PPP1R21: variants seen among roughly 807,000 people sequenced by gnomAD.
PPP1R21 encodes the protein KLRAQ motif containing 1.
A neutral mutation model predicts 112.8 loss-of-function variants in PPP1R21; 85 were observed. The ratio of observed to expected loss-of-function variants is 0.75; its 90% CI spans 0.63 to 0.90. PPP1R21 has a LOEUF of 0.90. Ranked by LOEUF, PPP1R21 falls within the 40% of genes least tolerant of loss-of-function variation. PPP1R21 has a pLI of 0.00. For synonymous variants in PPP1R21, 381 were observed against 322.3 expected, an observed-to-expected ratio of 1.18 and a Z score of -1.95; for missense variants, 1,199 against 901.5, an observed-to-expected ratio of 1.33 and a Z score of -4.23.
Position 48,471,127 on chromosome 2 carries a change from C to T in PPP1R21, c.938C>T (p.Pro313Leu). ...CATGAAAATGCGTCCTATGTCCGCCCTCTTGAGGAAGGAATGCTTCATTTA... is the reference window on the plus strand; with the variant it reads ...CATGAAAATGCGTCCTATGTCCGCCTTCTTGAGGAAGGAATGCTTCATTTA... Reference protein sequence around the residue: ...YLHENASYVRPLEEGMLHLFE... With the variant: ...YLHENASYVRLLEEGMLHLFE... Residue 313 changes from proline to leucine, a missense_variant, in exon 10 of 22, where the codon CCT becomes CTT. Transcript: ENST00000294952. 3 of 1,613,002 alleles carry T rather than the reference C, an allele frequency of 1.9e-6. No individual in the cohort carries two copies. Among genetic ancestry groups the T allele is most frequent in the Non-Finnish European group, 2.5e-6 (3 of 1,179,040 alleles).
intron 17 of PPP1R21, chr2:48,501,897 A>G (rs1670133555): frequency 1.3e-5 from 2 of 152,038 alleles, no homozygotes; most frequent in Non-Finnish European, 1.5e-5. Context: ...ACTGGCATAT[A>G]TATTTCTTTA....
In PPP1R21 at chr2:48,511,418, A is replaced by T; in HGVS notation, c.2263A>T (p.Thr755Ser). ...TGACCACCTGTGCAGCATGAATGAG[A>T]CATTATCTAAACAGAGAGAAGAGAT... The part of the protein sequence containing the change: ...MSDHLCSMNE[T>S]LSKQREEIDT... Residue 755 changes from threonine (T) to serine (S), a missense_variant, in exon 21 of 22, where the codon ACA becomes TCA. Physicochemically the swap from Thr to Ser is moderately conservative, Grantham distance 58. Transcript: ENST00000294952. The T allele has an allele frequency of 6.2e-7, 1 of 1,614,140 alleles. No individual in the cohort carries two copies.
At chr2:48,472,516 C>T (rs1668564330) in intron 11 of PPP1R21, among the ~76,000 whole-genome samples, 2 of 151,554 alleles carry the variant, frequency 1.3e-5, no homozygotes, top group Non-Finnish European at 2.9e-5. Context: ...GTCCCAGCTA[C>T]TTGGGAGGCT....
intron 17 of PPP1R21, among the ~76,000 whole-genome samples, chr2:48,499,847 A>T (rs527630334): frequency 6.6e-5 from 10 of 152,366 alleles, no homozygotes; most frequent in African/African-American, 2.4e-4. Context: ...TAATTACACT[A>T]TTCTGTTCAC....
At chr2:48,505,217 T>G (rs909230315) in intron 17 of PPP1R21, among the ~76,000 whole-genome samples, 5 of 152,246 alleles carry the variant, frequency 3.3e-5, no homozygotes, top group African/African-American at 1.2e-4. Context: ...TCTTTACCCC[T>G]TCTTGGCTAC....
intron 17 of PPP1R21, among the ~76,000 whole-genome samples, chr2:48,503,804 T>G (rs1156644964): frequency 6.6e-6 from 1 of 150,838 alleles, no homozygotes; most frequent in Non-Finnish European, 1.5e-5. Flanking sequence ...AAAAAAAAAA[T>G]TAGCTGGGCG....
intron 17 of PPP1R21, among the ~76,000 whole-genome samples, chr2:48,502,286 C>T (rs1435957829): frequency 6.6e-6 from 1 of 152,060 alleles, no homozygotes; most frequent in Non-Finnish European, 1.5e-5. Flanking sequence ...CTTTTCTCTC[C>T]ATCATGAGGG....
chr2:48,449,718 TAGAA>T (rs1332872196), intron 1 of PPP1R21, among the ~76,000 whole-genome samples: 2 of 152,082 alleles, frequency 1.3e-5, no homozygotes, highest in African/African-American at 4.8e-5. Context: ...TATGCAGAAT[TAGAA>T]AGATTTTTAA....
intron 14 of PPP1R21, among the ~76,000 whole-genome samples, chr2:48,490,676 A>C (rs986713749): frequency 1.3e-5 from 2 of 152,226 alleles, no homozygotes. Flanking sequence ...CCGAACATGG[A>C]TATTTTGAGA....
chr2:48,491,374 C>CT (rs1669556390), intron 15 of PPP1R21, among the ~76,000 whole-genome samples: 1 of 152,044 alleles, frequency 6.6e-6, no homozygotes, highest in African/African-American at 2.4e-5. Context: ...TGCCTATATT[C>CT]GTAGGCCATG....
chr2:48,497,960 C>T (rs1004440159), intron 16 of PPP1R21, among the ~76,000 whole-genome samples: 1 of 152,114 alleles, frequency 6.6e-6, no homozygotes, highest in Admixed American at 6.6e-5. Flanking sequence ...CTGCACCAAC[C>T]TATAGTTCTA....
At chr2:48,465,701 GTT>G in intron 9 of PPP1R21, 59 bp downstream of exon 9, 1 of 1,505,642 alleles carries the variant, frequency 6.6e-7, no homozygotes, top group Non-Finnish European at 9.1e-7. Flanking sequence ...GATATTGTTT[GTT>G]TTTAGACCTC....
intron 1 of PPP1R21, among the ~76,000 whole-genome samples, chr2:48,447,006 C>T (rs1390851922): frequency 6.6e-6 from 1 of 152,172 alleles, no homozygotes; most frequent in Non-Finnish European, 1.5e-5. Context: ...CCGCCTCAGC[C>T]TCCTAAAGTG....
chr2:48,481,120 C>G (rs970835489), intron 13 of PPP1R21, among the ~76,000 whole-genome samples: 4 of 152,220 alleles, frequency 2.6e-5, no homozygotes, highest in Non-Finnish European at 5.9e-5. Flanking sequence ...TCCCAAGTAG[C>G]TGGGATTACA....
chr2:48,514,712 C>A lies in PPP1R21; in HGVS notation c.2314-3C>A. 6.3e-7 allele frequency: 1 copy of A among 1,599,518 alleles called. No homozygotes were observed. The highest frequency in any genetic ancestry group is 8.6e-7 in the Non-Finnish European group (1 of 1,168,436). On this transcript the variant is annotated splice_region_variant and splice_polypyrimidine_tract_variant and intron_variant, in intron 21 of 21. Coordinates refer to ENST00000294952, the MANE Select transcript of PPP1R21 (RefSeq NM_001135629.3). ...CTTATTGTTGATATTTTTCTTTGCA[C>A]AGGGGAATTCTAAAAAGAACAAGAG...
At position 48,440,812 on chromosome 2, in the gene PPP1R21, CGCGGCGGCGGCGGCGGCGGCGGCT is replaced by C; in HGVS notation, c.-137_-114del. ...GGGAACCCGGAAGTGGAGGAGGAGG[CGCGGCGGCGGCGGCGGCGGCGGCT>C]GCGGTGGCCAAGCAGGCAGATACTG... On this transcript the variant is annotated 5_prime_UTR_variant, in exon 1 of 22. Transcript: ENST00000294952. 1 of 626,610 alleles carries C rather than the reference CGCGGCGGCGGCGGCGGCGGCGGCT, an allele frequency of 1.6e-6. No homozygotes were observed. Among genetic ancestry groups the C allele is most frequent in the Non-Finnish European group, 2.8e-6 (1 of 353,934 alleles). The allele number at this position is 626,610 out of a possible 1,614,324, so 38.8% of individuals were successfully genotyped here.
intron 1 of PPP1R21, chr2:48,441,350 C>T: frequency 5.3e-6 from 2 of 374,790 alleles, no homozygotes; most frequent in South Asian, 5.6e-5. Flanking sequence ...TGGACCACTC[C>T]TCACCTCGCT....
intron 1 of PPP1R21, among the ~76,000 whole-genome samples, chr2:48,442,430 A>C (rs1217335626): frequency 6.6e-6 from 1 of 152,232 alleles, no homozygotes; most frequent in East Asian, 1.9e-4. Context: ...TAGGGACTAC[A>C]TTGCTGAAAT....
chr2:48,497,083 T>C (rs1001834147), intron 16 of PPP1R21, among the ~76,000 whole-genome samples: 1 of 152,238 alleles, frequency 6.6e-6, no homozygotes, highest in Non-Finnish European at 1.5e-5. Flanking sequence ...TAAAGCCGGT[T>C]AGTCACAAGT....
Sources: gnomAD v4.1 joint callset for allele counts (sites outside exome capture counted in the v4.1 genomes callset) on GRCh38, gnomAD v4.1.1 for gene constraint, MANE v1.5 for transcripts, NCBI Gene and HGNC (gene_info 2026-07-23, HGNC 2026-07-21) for gene names.